Variants in GHR observed in about 807,000 individuals in gnomAD.
GHR encodes the protein GH receptor.
Under a neutral mutation model 67.1 loss-of-function variants are expected in GHR, and 35 were observed. The observed-to-expected ratio is 0.52, with a 90% CI of 0.40 to 0.69. GHR has a LOEUF of 0.69. GHR is among the 30% of genes least tolerant of loss of function. The pLI is 0.00. For synonymous variants in GHR, 272 were observed against 269.1 expected (o/e 1.01, Z -0.10); for missense variants, 792 against 764.6 (o/e 1.04, Z -0.42).
intron 1 of GHR, among the ~76,000 whole-genome samples, chr5:42,488,754 A>G (rs1745987529): frequency 1.3e-5 from 2 of 152,244 alleles, no homozygotes; most frequent in African/African-American, 2.4e-5. Flanking sequence ...TGAGCCAAGC[A>G]CATACATACT....
chr5:42,528,308 G>A (rs941696319), intron 1 of GHR, among the ~76,000 whole-genome samples: 1 of 152,094 alleles, frequency 6.6e-6, no homozygotes, highest in Non-Finnish European at 1.5e-5. Flanking sequence ...TTCATAGGAG[G>A]AGGTCAAAAT....
intron 2 of GHR, among the ~76,000 whole-genome samples, chr5:42,577,135 G>T (rs1029751305): frequency 6.6e-6 from 1 of 152,202 alleles, no homozygotes; most frequent in Non-Finnish European, 1.5e-5. Context: ...GGGCTGACCT[G>T]CCAGGGTACT....
intron 3 of GHR, among the ~76,000 whole-genome samples, chr5:42,653,567 C>T (rs1411027543): frequency 6.6e-6 from 1 of 152,138 alleles, no homozygotes; most frequent in East Asian, 1.9e-4. Flanking sequence ...GCATAACAAC[C>T]ACACTTAATT....
chr5:42,607,733 A>G (rs1181459083), intron 2 of GHR, among the ~76,000 whole-genome samples: 1 of 152,218 alleles, frequency 6.6e-6, no homozygotes, highest in Non-Finnish European at 1.5e-5. Context: ...AAGACAAAAC[A>G]AAAGAAGAGG....
At chr5:42,633,928 T>A (rs1754043985) in intron 3 of GHR, among the ~76,000 whole-genome samples, 1 of 152,198 alleles carries the variant, frequency 6.6e-6, no homozygotes. Context: ...AATACAACTT[T>A]ATCCACAAAG....
At chr5:42,591,508 C>G (rs548977955) in intron 2 of GHR, among the ~76,000 whole-genome samples, 1 of 152,192 alleles carries the variant, frequency 6.6e-6, no homozygotes, top group South Asian at 2.1e-4. Flanking sequence ...TTCCCACTAT[C>G]CTGCAGGGGT....
At chr5:42,433,550 A>C (rs1208161487) in intron 1 of GHR, among the ~76,000 whole-genome samples, 2 of 152,098 alleles carry the variant, frequency 1.3e-5, no homozygotes, top group Non-Finnish European at 2.9e-5. Context: ...AGGCAACACT[A>C]TTAATGTACA....
At chr5:42,455,761 A>C (rs1744233807) in intron 1 of GHR, among the ~76,000 whole-genome samples, 1 of 152,230 alleles carries the variant, frequency 6.6e-6, no homozygotes, top group Admixed American at 6.5e-5. Flanking sequence ...CTGCTGGAGA[A>C]ATATTTTACA....
chr5:42,638,358 C>G (rs555154319), intron 3 of GHR, among the ~76,000 whole-genome samples: 1 of 152,170 alleles, frequency 6.6e-6, no homozygotes, highest in African/African-American at 2.4e-5. Flanking sequence ...ATAGTAAACT[C>G]TTCTGAAATA....
chr5:42,662,760 C>A (rs1422268044), intron 3 of GHR, among the ~76,000 whole-genome samples: 1 of 151,998 alleles, frequency 6.6e-6, no homozygotes, highest in Non-Finnish European at 1.5e-5. Context: ...AAGATCAGAG[C>A]AGAACTGAAG....
chr5:42,598,876 G>A lies in GHR; in HGVS notation c.71-30162G>A, dbSNP rs555859379. Among the ~76,000 whole-genome samples the A allele has an allele frequency of 9.9e-5, 15 of 152,232 alleles. No individual in the cohort carries two copies. The South Asian group carries it at 3.1e-3, about 32-fold the overall frequency. Reference sequence around the variant, plus strand: ...TTTTAAAACCATTCTTTTAAAAAAGGACAAGTTTCTTGAGAACATTTTTAA... The same window carrying A: ...TTTTAAAACCATTCTTTTAAAAAAGAACAAGTTTCTTGAGAACATTTTTAA... On this transcript the variant is annotated intron_variant, in intron 2 of 9. Transcript: ENST00000230882.
At chr5:42,580,716 T>G (rs967909003) in intron 2 of GHR, among the ~76,000 whole-genome samples, 1 of 152,190 alleles carries the variant, frequency 6.6e-6, no homozygotes, top group African/African-American at 2.4e-5. Flanking sequence ...CCTTCTCTAG[T>G]GTGTTTTTCT....
At chr5:42,513,235 A>T (rs1196554893) in intron 1 of GHR, among the ~76,000 whole-genome samples, 1 of 152,124 alleles carries the variant, frequency 6.6e-6, no homozygotes, top group Admixed American at 6.5e-5. Context: ...ATTGTGTAGG[A>T]GCAGTTATTT....
chr5:42,483,515 G>A (rs533646328), intron 1 of GHR, among the ~76,000 whole-genome samples: 24 of 151,106 alleles, frequency 1.6e-4, no homozygotes, highest in Non-Finnish European at 2.2e-4. Context: ...AAAAAGAACC[G>A]TGTGTTTCTT....
rs539625955 is a variant in GHR at position 42,604,596 on chromosome 5, T to G, written c.71-24442T>G. Among the ~76,000 whole-genome samples the G allele has an allele frequency of 7.2e-5, 11 of 152,234 alleles. No individual in the cohort carries two copies. The South Asian group carries it at 2.3e-3, about 32-fold the overall frequency. On this transcript the variant is annotated intron_variant, in intron 2 of 9. Coordinates refer to ENST00000230882, the MANE Select transcript of GHR (RefSeq NM_000163.5). Reference sequence around the variant, plus strand: ...AGAGAAAGTCATAGAGAGATTTCTGTTTTTTGAGGCCTGCTTCTAATGTCT... The same window carrying G: ...AGAGAAAGTCATAGAGAGATTTCTGGTTTTTGAGGCCTGCTTCTAATGTCT...
intron 1 of GHR, among the ~76,000 whole-genome samples, chr5:42,445,962 A>G (rs894527370): frequency 3.9e-5 from 6 of 152,240 alleles, no homozygotes; most frequent in Non-Finnish European, 7.3e-5. Context: ...ATTAATATTA[A>G]CAGGCTCACT....
intron 5 of GHR, among the ~76,000 whole-genome samples, chr5:42,698,315 T>C (rs1488974131): frequency 6.6e-6 from 1 of 152,202 alleles, no homozygotes; most frequent in African/African-American, 2.4e-5. Flanking sequence ...TCATATCCTC[T>C]ATTTTTCAAA....
intron 1 of GHR, among the ~76,000 whole-genome samples, chr5:42,534,056 G>GTA (rs1748098687): frequency 6.9e-6 from 1 of 145,880 alleles, no homozygotes; most frequent in Non-Finnish European, 1.5e-5. Context: ...GTATATGTAT[G>GTA]TATATATATG....
chr5:42,447,432 C>T (rs900926550), intron 1 of GHR, among the ~76,000 whole-genome samples: 16 of 152,128 alleles, frequency 1.1e-4, no homozygotes, highest in Non-Finnish European at 1.8e-4. Flanking sequence ...CAGCTCCATC[C>T]GGGTTGCTGC....
Sources: allele counts gnomAD v4.1 joint callset (sites outside exome capture counted in the v4.1 genomes callset), GRCh38; gene constraint gnomAD v4.1.1; transcripts MANE v1.5; gene names NCBI Gene and HGNC (gene_info 2026-07-23, HGNC 2026-07-21).